The following MACF1 variants were observed in gnomAD, a reference collection of about 807,000 sequenced individuals.
MACF1 encodes microtubule-actin cross-linking factor 1.
MACF1 carries 193 observed loss-of-function variants against 854.8 expected under a neutral mutation model. The observed-to-expected ratio is 0.23, with a 90% CI of 0.20 to 0.25. The LOEUF (loss-of-function observed/expected upper bound fraction) is 0.25. Ranked by LOEUF, MACF1 falls within the 10% of genes least tolerant of loss-of-function variation. The probability of loss-of-function intolerance (pLI) is 1.00; values close to 1 mark genes in which losing one functional copy is unlikely to be tolerated. For synonymous variants in MACF1, 3,185 were observed against 3,226.7 expected, an observed-to-expected ratio of 0.99 and a Z score of 0.44; for missense variants, 7,722 against 8,929.1, an observed-to-expected ratio of 0.86 and a Z score of 5.45.
At chr1:39,452,133 A>G (rs900121931) in intron 85 of MACF1, 23 bp from the exon 86 acceptor site, 1 of 1,566,388 alleles carries the variant, frequency 6.4e-7, no homozygotes, top group South Asian at 1.2e-5. Flanking sequence ...TGAACAAACA[A>G]ATTCTCCTAT....
At chr1:39,396,295 G>C (rs1162480183) in intron 58 of MACF1, among the ~76,000 whole-genome samples, 1 of 150,586 alleles carries the variant, frequency 6.6e-6, no homozygotes, top group Non-Finnish European at 1.5e-5. Flanking sequence ...ACTCCAACCT[G>C]GGTGACAGAG....
chr1:39,352,813 T>C (rs1647230921), intron 43 of MACF1, among the ~76,000 whole-genome samples, 194 bp from the exon 44 acceptor site: 1 of 151,892 alleles, frequency 6.6e-6, no homozygotes, highest in Non-Finnish European at 1.5e-5. Context: ...TATAATGAAA[T>C]GTAGAGATAT....
chr1:39,371,952 T>TA (rs912886445), intron 51 of MACF1, among the ~76,000 whole-genome samples: 1 of 151,984 alleles, frequency 6.6e-6, no homozygotes, highest in African/African-American at 2.4e-5. Flanking sequence ...TCGCTGGGAT[T>TA]ACGGGTGCCT....
At chr1:39,157,834 G>A (rs985681810) in intron 2 of MACF1, among the ~76,000 whole-genome samples, 5 of 152,102 alleles carry the variant, frequency 3.3e-5, no homozygotes, top group Non-Finnish European at 7.4e-5. Flanking sequence ...AGCTCCCCAA[G>A]TAGCTGGGAC....
At chr1:39,250,960 A>C (rs1205822137) in intron 3 of MACF1, among the ~76,000 whole-genome samples, 2 of 152,232 alleles carry the variant, frequency 1.3e-5, no homozygotes, top group Non-Finnish European at 2.9e-5. Flanking sequence ...CCAGGGTTGA[A>C]TACTGGAAAT....
At chr1:39,369,912 T>G in intron 50 of MACF1, 118 bp from the exon 51 acceptor site, 150 of 897,092 alleles carry the variant, frequency 1.7e-4, no homozygotes, top group Middle Eastern at 3.6e-4. Context: ...GAAAAGATTA[T>G]GAGAAAGAAA....
In MACF1 at chr1:39,412,108, A is replaced by G. The variant is rs772580177; in HGVS notation, c.15817-10266A>G. ...TGATCACAGGGTTTCTCATGAAGAA[A>G]AATTATCAGGCTTCATTGCTTCTGA... On this transcript the variant is annotated intron_variant, in intron 58 of 100. Coordinates refer to ENST00000564288, the MANE Select transcript of MACF1 (RefSeq NM_001394062.1). 3.8e-5 allele frequency: 62 copies of G among 1,613,886 alleles called. 1 individual carries two copies. In the South Asian group the frequency reaches 5.7e-4, roughly 15 times the overall value.
chr1:39,335,408 G>A lies in MACF1; in HGVS notation c.8820G>A (p.Gly2940=), dbSNP rs1646794349. The change falls in exon 37 of 101, where the codon GGG becomes GGA. Residue 2940 remains glycine (G), a synonymous_variant. Transcript: ENST00000564288. ...CTGAAGAAATAAGAGAAAATCAAGG[G>A]GAAGTGATTTTGGAAGTACAAGAAA... ...LDSEEIRENQ[G]EVILEVQETY... The A allele has an allele frequency of 1.2e-6, 2 of 1,614,056 alleles. No individual in the cohort carries two copies. The highest frequency in any genetic ancestry group is 1.7e-6 in the Non-Finnish European group (2 of 1,179,968).
intron 2 of MACF1, among the ~76,000 whole-genome samples, chr1:39,180,581 A>G (rs1288670922): frequency 6.6e-6 from 1 of 151,972 alleles, no homozygotes; most frequent in African/African-American, 2.4e-5. Context: ...GCGCCACTAG[A>G]CTCCAGCCTG....
chr1:39,205,095 G>A lies in MACF1; in HGVS notation c.73G>A (p.Val25Ile), dbSNP rs533097564. ...ILTHVLGVAGVLYWKRHARGR... is the reference protein window; with the variant it reads ...ILTHVLGVAGILYWKRHARGR... The stretch of plus-strand genomic sequence containing the variant: ...GACTCACGTTCTTGGAGTTGCTGGT[G>A]TTCTATACTGGAAGAGGCATGCCAG... Residue 25 changes from valine to isoleucine, a missense_variant, in exon 1 of 101, where the codon GTT becomes ATT. Physicochemically the swap from Val to Ile is conservative, Grantham distance 29 (BLOSUM62 3). This residue lies in a region of MACF1 where 22 missense variants were observed against 16.1 expected (regional missense o/e 1.37). Transcript: ENST00000564288. The A allele has an allele frequency of 8.5e-5, 60 of 702,996 alleles. 1 individual carries two copies. The highest frequency in any genetic ancestry group is 7.3e-4 in the African/African-American group (42 of 57,368). 43.5% of individuals were successfully genotyped at this position (702,996 alleles called of 1,614,324 possible).
Position 39,349,469 on chromosome 1 carries a change from T to C in MACF1, c.10816-9T>C. 1 of 1,604,200 alleles carries C rather than the reference T, an allele frequency of 6.2e-7. No individual in the cohort carries two copies. The highest frequency in any genetic ancestry group is 1.1e-5 in the South Asian group (1 of 89,704). On this transcript the variant is annotated splice_polypyrimidine_tract_variant and intron_variant, in intron 41 of 100. Coordinates refer to ENST00000564288, the MANE Select transcript of MACF1 (RefSeq NM_001394062.1). ...GAAATGTCTCTTGACCCCTTTGCAT[T>C]TTAATTAGACCCTGCAGAAACAACA... is the stretch of plus-strand genomic sequence containing the variant.
chr1:39,211,318 A>T (rs1055077996), intron 1 of MACF1, among the ~76,000 whole-genome samples: 1 of 152,102 alleles, frequency 6.6e-6, no homozygotes, highest in South Asian at 2.1e-4. Context: ...ATATGTGATT[A>T]TTTACCATCA....
chr1:39,207,282 C>CTTTCT (rs775285019), intron 1 of MACF1, among the ~76,000 whole-genome samples: 4 of 133,304 alleles, frequency 3.0e-5, no homozygotes, highest in East Asian at 4.3e-4. Flanking sequence ...TTCTTTCTTT[C>CTTTCT]TTTTTTTTTT....
intron 2 of MACF1, among the ~76,000 whole-genome samples, chr1:39,185,377 G>C (rs1450358417): frequency 6.6e-6 from 1 of 152,006 alleles, no homozygotes; most frequent in East Asian, 1.9e-4. Flanking sequence ...TGTAGTTCTA[G>C]CTACTCGGGA....
intron 65 of MACF1, 94 bp from the exon 66 acceptor site, chr1:39,430,608 G>T: frequency 3.3e-6 from 3 of 918,970 alleles, no homozygotes; most frequent in Non-Finnish European, 5.3e-6. Flanking sequence ...AGTCCTGCTG[G>T]GATGTGTGGT....
At position 39,324,781 on chromosome 1, in the gene MACF1, A is replaced by G. The variant is rs756878252; in HGVS notation, c.4478+47A>G. 49 of 1,410,908 alleles carry G rather than the reference A, an allele frequency of 3.5e-5. No homozygotes were observed. In the Admixed American group the frequency reaches 8.2e-4, roughly 24 times the overall value. The allele number at this position is 1,410,908 out of a possible 1,614,324, so 87.4% of individuals were successfully genotyped here. On this transcript the variant is annotated intron_variant, in intron 35 of 100. Transcript: ENST00000564288. ...ATGGCACATCTGGGGCACCTGGTCT[A>G]TCAGTCTAAAACTTACAGCCATAAT... is the stretch of plus-strand genomic sequence containing the variant.
chr1:39,319,744 A>T lies in MACF1; in HGVS notation c.4026A>T (p.Val1342=), dbSNP rs144430912. The change falls in exon 31 of 101, where the codon GTA becomes GTT. Residue 1342 remains valine (V), a synonymous_variant. Coordinates refer to ENST00000564288, the MANE Select transcript of MACF1 (RefSeq NM_001394062.1). ...QKFSQQYSTI[V]KDYELQLMTY... is the part of the protein sequence containing the mutation. ...TTTCCCAGCAGTACTCTACTATTGT[A>T]AAGGTAACTTTACCACATCCCAAAA... 3.4e-5 allele frequency: 55 copies of T among 1,608,968 alleles called. No homozygotes were observed. In the African/African-American group the frequency reaches 7.1e-4, roughly 21 times the overall value.
intron 72 of MACF1, among the ~76,000 whole-genome samples, chr1:39,440,675 T>C (rs1163478538): frequency 6.6e-6 from 1 of 152,168 alleles, no homozygotes; most frequent in Non-Finnish European, 1.5e-5. Context: ...TACTGTGTTA[T>C]TTTACCCTTG....
chr1:39,391,054 T>C (rs1642014421), intron 58 of MACF1, among the ~76,000 whole-genome samples: 1 of 150,830 alleles, frequency 6.6e-6, no homozygotes, highest in Non-Finnish European at 1.5e-5. Context: ...GAGCTTGCAG[T>C]GAGCCAAGAT....
Sources: allele counts gnomAD v4.1 joint callset (sites outside exome capture counted in the v4.1 genomes callset), GRCh38; gene constraint gnomAD v4.1.1; regional missense constraint gnomAD v4.1.1; transcripts MANE v1.5; gene names NCBI Gene and HGNC (gene_info 2026-07-23, HGNC 2026-07-21).